The following NAALADL2 variants were observed in gnomAD, a reference collection of about 807,000 sequenced individuals.
The protein encoded by NAALADL2 is inactive N-acetylated-alpha-linked acidic dipeptidase-like protein 2.
A neutral mutation model predicts 87.2 loss-of-function variants in NAALADL2; 76 were observed. The ratio of observed to expected loss-of-function variants is 0.87; its 90% CI spans 0.72 to 1.05. The LOEUF (loss-of-function observed/expected upper bound fraction) is 1.05, where lower values mean the gene tolerates loss of function less well. NAALADL2 is among the 50% of genes least tolerant of loss of function. The probability of loss-of-function intolerance (pLI) is 0.00; values close to 1 mark genes in which losing one functional copy is unlikely to be tolerated. For synonymous variants in NAALADL2, 354 were observed against 331.0 expected (o/e 1.07, Z -0.75); for missense variants, 1,089 against 945.8 (o/e 1.15, Z -1.99).
At chr3:175,244,667 A>T (rs955860900) in intron 3 of NAALADL2, among the ~76,000 whole-genome samples, 5 of 152,112 alleles carry the variant, frequency 3.3e-5, no homozygotes, top group African/African-American at 1.2e-4. Context: ...CCTCTGTTTC[A>T]TTTGGTACAG....
At chr3:174,570,059 A>G (rs144014282) in intron 2 of NAALADL2, among the ~76,000 whole-genome samples, 20 of 152,228 alleles carry the variant, frequency 1.3e-4, no homozygotes, top group Non-Finnish European at 7.4e-5. Context: ...TCTGGAAAGC[A>G]CTTCCAGTCA....
chr3:175,611,200 G>A (rs1241228858), intron 10 of NAALADL2, among the ~76,000 whole-genome samples: 1 of 152,034 alleles, frequency 6.6e-6, no homozygotes, highest in East Asian at 1.9e-4. Context: ...TGATTGTATA[G>A]TTAGATGTGG....
intron 2 of NAALADL2, among the ~76,000 whole-genome samples, chr3:174,623,464 T>C (rs1221555245): frequency 6.6e-6 from 1 of 152,118 alleles, no homozygotes; most frequent in African/African-American, 2.4e-5. Context: ...TACTAAATGA[T>C]AGACTAGTAT....
At chr3:174,947,673 G>C (rs900959765) in intron 1 of NAALADL2, among the ~76,000 whole-genome samples, 7 of 150,072 alleles carry the variant, frequency 4.7e-5, no homozygotes, top group African/African-American at 1.7e-4. Context: ...TTTTTCTTTG[G>C]TCTTCTAGTA....
chr3:175,146,573 C>A (rs1042665827), intron 2 of NAALADL2, among the ~76,000 whole-genome samples: 1 of 152,174 alleles, frequency 6.6e-6, no homozygotes, highest in African/African-American at 2.4e-5. Flanking sequence ...CAAAGTAGGG[C>A]ATATAGCATA....
chr3:175,706,131 A>G (rs774708716), intron 11 of NAALADL2, among the ~76,000 whole-genome samples: 5 of 152,112 alleles, frequency 3.3e-5, no homozygotes, highest in Non-Finnish European at 7.4e-5. Flanking sequence ...GGGAAGAGAT[A>G]CACTACACAA....
In NAALADL2 at chr3:174,763,586, CAA is replaced by C. The variant is rs1163373340; in HGVS notation, c.-9+25854_-9+25855del. 2.9e-4 allele frequency among the ~76,000 whole-genome samples: 14 copies of C among 48,372 alleles called. 2 individuals carry two copies. Among genetic ancestry groups the C allele is most frequent in the African/African-American group, 9.9e-4 (10 of 10,134 alleles). The allele number at this position is 48,372 out of a possible 152,430, so 31.7% of individuals were successfully genotyped here. ...TGGGCTACAGAGCGAGACTCCATCTCAAAAAAAAAAAAAAAGACTAAAATGTT... is the reference window on the plus strand; with the variant it reads ...TGGGCTACAGAGCGAGACTCCATCTCAAAAAAAAAAAAAGACTAAAATGTT... On this transcript the variant is annotated intron_variant, in intron 3 of 3. Transcript: ENST00000434257.
At chr3:175,195,762 T>A (rs555687554) in intron 2 of NAALADL2, among the ~76,000 whole-genome samples, 1 of 152,094 alleles carries the variant, frequency 6.6e-6, no homozygotes, top group Admixed American at 6.6e-5. Context: ...TTTATTGTTA[T>A]GGGCCTGAAG....
At chr3:175,782,167 C>T (rs549232837) in intron 13 of NAALADL2, among the ~76,000 whole-genome samples, 1,665 of 145,896 alleles carry the variant, frequency 0.011, 28 homozygotes, top group African/African-American at 0.038. Context: ...AATAAACATA[C>T]GTGTGCATGT....
chr3:174,587,559 A>G (rs1423310347), intron 2 of NAALADL2, among the ~76,000 whole-genome samples: 1 of 152,162 alleles, frequency 6.6e-6, no homozygotes, highest in East Asian at 1.9e-4. Context: ...GAGCTCTCAT[A>G]AGGCCTGTCT....
intron 1 of NAALADL2, among the ~76,000 whole-genome samples, chr3:175,025,508 TAAATA>T (rs1035740900): frequency 1.9e-4 from 29 of 152,258 alleles, no homozygotes; most frequent in South Asian, 4.1e-4. Context: ...CTTTGTGTAG[TAAATA>T]AAATAAGTAT....
Position 175,314,603 on chromosome 3 carries a change from T to C in NAALADL2, c.940-9572T>C, listed in dbSNP as rs555686683. On this transcript the variant is annotated intron_variant, in intron 4 of 13. Transcript: ENST00000454872. ...TATATATATATATATATATATAGGC[T>C]ATACATACTGTAAAATAGTTTTGAA... 1.2e-3 allele frequency among the ~76,000 whole-genome samples: 121 copies of C among 104,274 alleles called. 1 individual carries two copies. The highest frequency in any genetic ancestry group is 5.2e-3 in the Middle Eastern group (1 of 194). The allele number at this position is 104,274 out of a possible 152,430, so 68.4% of individuals were successfully genotyped here. A position where few individuals can be genotyped will look rare whatever the true frequency, so the allele number is the denominator to read the frequency against.
chr3:175,326,458 C>T (rs1239904045), intron 5 of NAALADL2, among the ~76,000 whole-genome samples: 1 of 152,174 alleles, frequency 6.6e-6, no homozygotes, highest in South Asian at 2.1e-4. Flanking sequence ...CCTTTAAGTT[C>T]TTCCAGCCTT....
At chr3:175,039,485 T>C (rs1753799812) in intron 1 of NAALADL2, among the ~76,000 whole-genome samples, 1 of 152,170 alleles carries the variant, frequency 6.6e-6, no homozygotes. Flanking sequence ...CTCAGAACTA[T>C]TCTCTCGTAT....
intron 2 of NAALADL2, among the ~76,000 whole-genome samples, chr3:174,727,376 TG>T (rs1732302237): frequency 6.6e-6 from 1 of 152,076 alleles, no homozygotes; most frequent in South Asian, 2.1e-4. Context: ...CACTCATTTT[TG>T]ATTGAATAAA....
intron 3 of NAALADL2, among the ~76,000 whole-genome samples, chr3:174,818,289 C>T (rs1477716746): frequency 1.3e-5 from 2 of 152,060 alleles, no homozygotes; most frequent in African/African-American, 4.8e-5. Flanking sequence ...TTAGGTGCCA[C>T]GTCTCTAGCT....
At chr3:175,576,336 GC>G in intron 10 of NAALADL2, 149 bp downstream of exon 10, 1 of 690,558 alleles carries the variant, frequency 1.4e-6, no homozygotes, top group Non-Finnish European at 2.4e-6. Flanking sequence ...TTTTTCAAAG[GC>G]TTTGTAATAG....
At chr3:174,979,348 C>T (rs1342659450) in intron 1 of NAALADL2, among the ~76,000 whole-genome samples, 2 of 141,798 alleles carry the variant, frequency 1.4e-5, no homozygotes, top group Non-Finnish European at 3.0e-5. Context: ...CTCTGTTGCC[C>T]AGGCTGGAGT....
In NAALADL2 at chr3:174,898,112, CAAAAAAAAAAAAAAAAAA is replaced by C. The variant is rs913382744; in HGVS notation, c.43+38676_43+38693del. On this transcript the variant is annotated intron_variant, in intron 1 of 13. Coordinates refer to ENST00000454872, the MANE Select transcript of NAALADL2 (RefSeq NM_207015.3). ...TGGGTGACAGAGCGAGACTCCGTCT[CAAAAAAAAAAAAAAAAAA>C]AAAAAAAAAAAAAGAAAAAAAGAAT... 2.3e-3 allele frequency among the ~76,000 whole-genome samples: 33 copies of C among 14,500 alleles called. 2 individuals carry two copies. In the East Asian group the frequency reaches 0.072, roughly 32 times the overall value. 9.5% of individuals were successfully genotyped at this position (14,500 alleles called of 152,430 possible).
Sources: allele counts gnomAD v4.1 joint callset (sites outside exome capture counted in the v4.1 genomes callset), GRCh38; gene constraint gnomAD v4.1.1; transcripts MANE v1.5; gene names NCBI Gene and HGNC (gene_info 2026-07-23, HGNC 2026-07-21).